Variants in TRA2B observed in about 807,000 individuals in gnomAD.
The protein encoded by TRA2B is transformer 2 beta homolog, also known as transformer-2 protein homolog beta.
TRA2B carries 14 observed loss-of-function variants against 41.7 expected under a neutral mutation model. That is an observed-to-expected ratio of 0.34 (90% confidence interval 0.22 to 0.53). The LOEUF (loss-of-function observed/expected upper bound fraction) is 0.53. TRA2B is among the 20% of genes least tolerant of loss of function. The pLI, the probability that TRA2B is intolerant of heterozygous loss-of-function variation, is 0.95. For missense variants in TRA2B, 167 were observed against 396.8 expected, an observed-to-expected ratio of 0.42 and a Z score of 4.92; for synonymous variants, 130 against 128.8, an observed-to-expected ratio of 1.01 and a Z score of -0.06.
chr3:185,929,613 A>C (rs933273521), intron 1 of TRA2B, among the ~76,000 whole-genome samples: 5 of 151,762 alleles, frequency 3.3e-5, no homozygotes, highest in Admixed American at 1.3e-4. Context: ...GTAAAAATAC[A>C]ACACACTTAG....
rs1002289464 is a variant in TRA2B at position 185,918,504 on chromosome 3, A to G, written c.783-66T>C. On this transcript the variant is annotated intron_variant, in intron 7 of 8. Coordinates refer to ENST00000453386, the MANE Select transcript of TRA2B (RefSeq NM_004593.3). ...ACAATTAGACCAAACATATAAATTT[A>G]TGACTATATATACTGCCCTTTCATC... is the stretch of plus-strand genomic sequence containing the variant. The G allele has an allele frequency of 4.4e-6, 5 of 1,135,102 alleles. No individual in the cohort carries two copies. The Admixed American group carries it at 7.2e-5, about 16-fold the overall frequency. 70.3% of individuals were successfully genotyped at this position (1,135,102 alleles called of 1,614,324 possible).
At chr3:185,935,602 T>G in intron 1 of TRA2B, 12 of 985,422 alleles carry the variant, frequency 1.2e-5, no homozygotes, top group Non-Finnish European at 1.4e-5. Flanking sequence ...AAGAGATTAG[T>G]GATTTACATT....
At chr3:185,926,146 GC>G (rs1204106342) in intron 2 of TRA2B, among the ~76,000 whole-genome samples, 1 of 150,748 alleles carries the variant, frequency 6.6e-6, no homozygotes, top group Non-Finnish European at 1.5e-5. Flanking sequence ...AAATGGTATC[GC>G]CCCAGGCAAA....
intron 6 of TRA2B, among the ~76,000 whole-genome samples, chr3:185,920,620 T>G (rs541005264): frequency 6.6e-6 from 1 of 152,188 alleles, no homozygotes; most frequent in African/African-American, 2.4e-5. Context: ...AGTGGTGCAA[T>G]CTAAATTCAC....
In TRA2B at chr3:185,914,883, C is replaced by T. The variant is rs577661293; in HGVS notation, c.*2832G>A. Among the ~76,000 whole-genome samples the T allele has an allele frequency of 1.4e-4, 22 of 152,170 alleles. No individual in the cohort carries two copies. The South Asian group carries it at 1.9e-3, about 13-fold the overall frequency. Reference sequence around the variant, plus strand: ...GTGAAACTTCTAATTCTCAATTTCTCCTCCTGGGCCTTGCAGAATTGGAAT... The same window carrying T: ...GTGAAACTTCTAATTCTCAATTTCTTCTCCTGGGCCTTGCAGAATTGGAAT... On this transcript the variant is annotated 3_prime_UTR_variant, in exon 9 of 9. Coordinates refer to ENST00000453386, the MANE Select transcript of TRA2B (RefSeq NM_004593.3).
intron 2 of TRA2B, 121 bp from the exon 3 acceptor site, chr3:185,925,747 A>C (rs1387610760): frequency 1.0e-6 from 1 of 993,838 alleles, no homozygotes; most frequent in Non-Finnish European, 1.4e-6. Flanking sequence ...CATGGTTACC[A>C]ATTTAGTAGG....
At chr3:185,923,486 A>G in intron 4 of TRA2B, 1 of 202,076 alleles carries the variant, frequency 4.9e-6, no homozygotes, top group Non-Finnish European at 9.9e-6. Flanking sequence ...CTTCTGCATC[A>G]TAACTTTGCT....
At chr3:185,920,344 G>C (rs549242985) in intron 6 of TRA2B, among the ~76,000 whole-genome samples, 145 of 152,292 alleles carry the variant, frequency 9.5e-4, no homozygotes, top group African/African-American at 3.4e-3. Context: ...AAAAGGCTAA[G>C]ACAGAGGCTA....
chr3:185,934,644 A>C, intron 1 of TRA2B: 1 of 985,418 alleles, frequency 1.0e-6, no homozygotes, highest in Non-Finnish European at 1.2e-6. Flanking sequence ...AGATGGCTGC[A>C]ATTCTTTAGA....
In TRA2B at chr3:185,921,624, C is replaced by T. The variant is rs144428044; in HGVS notation, c.638+387G>A. On this transcript the variant is annotated intron_variant, in intron 5 of 8. Coordinates refer to ENST00000453386, the MANE Select transcript of TRA2B (RefSeq NM_004593.3). ...CTAAAAATGCAAAAAATTAGCCGGACGTTGCGACACGCGCCTGTAGTCCCA... is the reference window on the plus strand; with the variant it reads ...CTAAAAATGCAAAAAATTAGCCGGATGTTGCGACACGCGCCTGTAGTCCCA... Among the ~76,000 whole-genome samples, 1,017 of 152,130 alleles carry T rather than the reference C, an allele frequency of 6.7e-3. 7 individuals carry two copies. Among genetic ancestry groups the T allele is most frequent in the Middle Eastern group, 0.021 (6 of 292 alleles).
In TRA2B at chr3:185,925,880, C is replaced by G. The variant is rs1013324938; in HGVS notation, c.171-254G>C. ...GACATATTACTTATCTTTTACAAAT[C>G]AAGGCACGCAGCATTTTACTAGCTT... On this transcript the variant is annotated intron_variant, in intron 2 of 8. Transcript: ENST00000453386. Among the ~76,000 whole-genome samples the G allele has an allele frequency of 2.0e-5, 3 of 152,336 alleles. No homozygotes were observed. In the East Asian group the frequency reaches 5.8e-4, roughly 29 times the overall value.
intron 1 of TRA2B, chr3:185,935,154 G>A (rs746401505): frequency 3.3e-5 from 33 of 985,316 alleles, no homozygotes; most frequent in Non-Finnish European, 3.9e-5. Flanking sequence ...TAAAGGCCAG[G>A]AGTGCCTCTT....
At position 185,929,719 on chromosome 3, in the gene TRA2B, A is replaced by G. The variant is rs575003516; in HGVS notation, c.37-2985T>C. 6.6e-5 allele frequency among the ~76,000 whole-genome samples: 10 copies of G among 152,336 alleles called. 1 individual carries two copies. In the South Asian group the frequency reaches 2.1e-3, roughly 32 times the overall value. ...GGACTAACCATCCAATCCCTGTATT[A>G]TTTTAAAAACTGAATGTGGTTTGTT... On this transcript the variant is annotated intron_variant, in intron 1 of 8. Transcript: ENST00000453386.
intron 1 of TRA2B, chr3:185,927,618 T>C (rs1744001642): frequency 6.6e-6 from 1 of 152,170 alleles, no homozygotes. Flanking sequence ...AGCCAAAGTT[T>C]AGGTAAACAT....
intron 3 of TRA2B, chr3:185,924,356 T>C (rs1428873441): frequency 1.1e-5 from 2 of 174,812 alleles, no homozygotes; most frequent in African/African-American, 4.8e-5. Flanking sequence ...ATTGTAATGT[T>C]GACACACCTT....
chr3:185,920,421 C>G (rs1014624715), intron 6 of TRA2B, among the ~76,000 whole-genome samples: 3 of 152,210 alleles, frequency 2.0e-5, no homozygotes, highest in African/African-American at 7.2e-5. Flanking sequence ...GTACTTGGCT[C>G]ACTGCAGCTT....
chr3:185,933,942 G>A (rs1184529932), intron 1 of TRA2B, among the ~76,000 whole-genome samples: 1 of 152,012 alleles, frequency 6.6e-6, no homozygotes, highest in Non-Finnish European at 1.5e-5. Context: ...TATCCAAACT[G>A]TCAGGTAACA....
At chr3:185,919,529 T>A in intron 6 of TRA2B, 33 bp from the exon 7 acceptor site, 2 of 1,582,718 alleles carry the variant, frequency 1.3e-6, no homozygotes, top group Non-Finnish European at 1.7e-6. Context: ...CAACACGCAT[T>A]CAGTTTGTAA....
At chr3:185,928,286 C>T (rs1040556475) in intron 1 of TRA2B, 1 of 152,188 alleles carries the variant, frequency 6.6e-6, no homozygotes, top group Non-Finnish European at 1.5e-5. Flanking sequence ...GAGTTCAGGT[C>T]TCTAGGCCCC....
Sources: allele counts gnomAD v4.1 joint callset (sites outside exome capture counted in the v4.1 genomes callset), GRCh38; gene constraint gnomAD v4.1.1; transcripts MANE v1.5; gene names NCBI Gene and HGNC (gene_info 2026-07-23, HGNC 2026-07-21).